The following ABCA12 variants were observed in gnomAD, a reference collection of about 807,000 sequenced individuals.
ABCA12 encodes the protein ATP binding cassette subfamily A member 12.
ABCA12 carries 156 observed loss-of-function variants against 293.5 expected under a neutral mutation model. The ratio of observed to expected loss-of-function variants is 0.53; its 90% CI spans 0.47 to 0.61. The LOEUF (loss-of-function observed/expected upper bound fraction) is 0.61, where lower values mean the gene tolerates loss of function less well. Ranked by LOEUF, ABCA12 falls within the 20% of genes least tolerant of loss-of-function variation. The probability of loss-of-function intolerance (pLI) is 0.00; values close to 1 mark genes in which losing one functional copy is unlikely to be tolerated. For synonymous variants in ABCA12, 1,063 were observed against 1,108.0 expected (o/e 0.96, Z 0.81); for missense variants, 2,797 against 3,090.2 (o/e 0.91, Z 2.25).
At chr2:215,032,329 G>A in intron 8 of ABCA12, 1 of 207,962 alleles carries the variant, frequency 4.8e-6, no homozygotes, top group Non-Finnish European at 9.8e-6. Context: ...TGTAGCCTCA[G>A]GAAACATCTG....
chr2:215,102,242 A>G (rs775790203), intron 2 of ABCA12, among the ~76,000 whole-genome samples: 15 of 152,348 alleles, frequency 9.8e-5, no homozygotes, highest in East Asian at 5.8e-4. Context: ...AGAAAAATCT[A>G]TAAACATTTA....
chr2:214,947,672 T>C, intron 47 of ABCA12, 116 bp from the exon 48 acceptor site: 1 of 1,177,038 alleles, frequency 8.5e-7, no homozygotes. Context: ...AGAATATATC[T>C]GGAAAAAAAT....
At chr2:215,007,997 G>T in intron 18 of ABCA12, 151 bp from the exon 19 acceptor site, 1 of 1,007,596 alleles carries the variant, frequency 9.9e-7, no homozygotes, top group Non-Finnish European at 1.4e-6. Flanking sequence ...TTCCCACATG[G>T]TCAAAAGTTT....
At chr2:215,004,988 C>T (rs937938327) in intron 19 of ABCA12, among the ~76,000 whole-genome samples, 5 of 152,182 alleles carry the variant, frequency 3.3e-5, no homozygotes, top group African/African-American at 4.8e-5. Context: ...AATATAAAGG[C>T]CTTTATAGCT....
In ABCA12 at chr2:215,007,792, T is replaced by A. The variant is rs1356248997; in HGVS notation, c.2527A>T (p.Met843Leu). ...TTCATGAAAAGTGGCGACTTATCCA[T>A]CCACTCTTGAGATTTTTCTCTTAAT... ...AELREKSQEW[M>L]DKSPLFMNSF... The change falls in exon 19 of 53, where the codon ATG becomes TTG. Residue 843 changes from methionine to leucine, a missense_variant. Met to Leu is a conservative substitution (Grantham distance 15). Transcript: ENST00000272895. 1 of 1,614,066 alleles carries A rather than the reference T, an allele frequency of 6.2e-7. No homozygotes were observed. Among genetic ancestry groups the A allele is most frequent in the South Asian group, 1.1e-5 (1 of 91,078 alleles).
At chr2:215,098,683 T>A (rs146539767) in intron 2 of ABCA12, among the ~76,000 whole-genome samples, 39 of 152,328 alleles carry the variant, frequency 2.6e-4, no homozygotes, top group Non-Finnish European at 4.7e-4. Flanking sequence ...GTGACTCTGT[T>A]TGACAGATAG....
chr2:215,074,897 A>C (rs1229295119), intron 2 of ABCA12, among the ~76,000 whole-genome samples: 3 of 152,080 alleles, frequency 2.0e-5, no homozygotes, highest in Non-Finnish European at 4.4e-5. Flanking sequence ...AGCCGAGATC[A>C]CGCCACTGTA....
chr2:215,015,800 A>T, intron 14 of ABCA12, 137 bp from the exon 15 acceptor site: 1 of 747,460 alleles, frequency 1.3e-6, no homozygotes, highest in Admixed American at 2.2e-5. Flanking sequence ...TTTCATCTAA[A>T]GCACTAATTA....
At chr2:214,961,626 T>C (rs1007709700) in intron 39 of ABCA12, among the ~76,000 whole-genome samples, 3 of 152,158 alleles carry the variant, frequency 2.0e-5, no homozygotes, top group African/African-American at 7.2e-5. Context: ...TAAATGTCTT[T>C]TGCTCTGAGT....
At chr2:215,074,891 G>A (rs990235501) in intron 2 of ABCA12, among the ~76,000 whole-genome samples, 20 of 151,908 alleles carry the variant, frequency 1.3e-4, no homozygotes, top group East Asian at 1.9e-4. Flanking sequence ...GCAGTGAGCC[G>A]AGATCACGCC....
At chr2:215,065,055 G>A (rs992308882) in intron 2 of ABCA12, among the ~76,000 whole-genome samples, 1 of 151,792 alleles carries the variant, frequency 6.6e-6, no homozygotes, top group African/African-American at 2.4e-5. Context: ...ATACAAAACA[G>A]TAATTTTCAT....
At chr2:215,073,852 G>A (rs948224597) in intron 2 of ABCA12, among the ~76,000 whole-genome samples, 2 of 152,194 alleles carry the variant, frequency 1.3e-5, no homozygotes, top group African/African-American at 2.4e-5. Flanking sequence ...TTGGGGTTTG[G>A]AGGAGTAGAG....
chr2:215,087,217 C>G (rs749113988), intron 2 of ABCA12, among the ~76,000 whole-genome samples: 19 of 152,154 alleles, frequency 1.2e-4, no homozygotes, highest in Admixed American at 6.5e-4. Context: ...GCTGGGATTT[C>G]AGGTGTGAGC....
At chr2:215,054,083 G>A (rs1701372644) in intron 4 of ABCA12, among the ~76,000 whole-genome samples, 1 of 152,206 alleles carries the variant, frequency 6.6e-6, no homozygotes, top group East Asian at 1.9e-4. Flanking sequence ...TAAGTGTGAG[G>A]AAGAAGTGTA....
At chr2:215,102,117 T>C (rs938257643) in intron 2 of ABCA12, among the ~76,000 whole-genome samples, 3 of 152,212 alleles carry the variant, frequency 2.0e-5, no homozygotes, top group South Asian at 2.1e-4. Flanking sequence ...TACACTGAAA[T>C]GTTAACAATG....
chr2:214,956,269 A>G (rs1698945459), intron 42 of ABCA12, among the ~76,000 whole-genome samples: 1 of 152,220 alleles, frequency 6.6e-6, no homozygotes, highest in African/African-American at 2.4e-5. Flanking sequence ...AGATAAATAT[A>G]AGTAAGTATA....
At chr2:215,027,629 T>A (rs1700778507) in intron 9 of ABCA12, among the ~76,000 whole-genome samples, 1 of 152,320 alleles carries the variant, frequency 6.6e-6, no homozygotes, top group Admixed American at 6.5e-5. Context: ...TAATCTTTTT[T>A]GTGTATAAGT....
At chr2:215,090,924 T>G (rs1041922335) in intron 2 of ABCA12, among the ~76,000 whole-genome samples, 2 of 152,198 alleles carry the variant, frequency 1.3e-5, no homozygotes, top group African/African-American at 4.8e-5. Context: ...TCTTATTTGC[T>G]TCTGCAACAC....
intron 7 of ABCA12, 80 bp downstream of exon 7, chr2:215,045,757 C>T (rs1559164510): frequency 2.3e-6 from 3 of 1,277,874 alleles, no homozygotes; most frequent in Non-Finnish European, 3.3e-6. Context: ...ACCCAGATAA[C>T]AGTAATCATC....
Sources: gnomAD v4.1 joint callset for allele counts (sites outside exome capture counted in the v4.1 genomes callset) on GRCh38, gnomAD v4.1.1 for gene constraint, MANE v1.5 for transcripts, NCBI Gene and HGNC (gene_info 2026-07-23, HGNC 2026-07-21) for gene names.